Variants in LCOR observed in about 807,000 individuals in gnomAD.
LCOR encodes ligand dependent nuclear receptor corepressor.
A neutral mutation model predicts 64.4 loss-of-function variants in LCOR; 14 were observed. The observed-to-expected ratio is 0.22, with a 90% CI of 0.14 to 0.34. LCOR has a LOEUF of 0.34. Among genes scored for constraint, LCOR ranks in the 10% least tolerant of loss-of-function variants. The pLI, the probability that LCOR is intolerant of heterozygous loss-of-function variation, is 1.00. For synonymous variants in LCOR, 643 were observed against 642.5 expected, an observed-to-expected ratio of 1.00 and a Z score of -0.01; for missense variants, 1,686 against 1,765.3, an observed-to-expected ratio of 0.96 and a Z score of 0.80.
intron 4 of LCOR, among the ~76,000 whole-genome samples, chr10:96,914,299 C>T (rs544206803): frequency 1.3e-5 from 2 of 152,250 alleles, no homozygotes; most frequent in African/African-American, 4.8e-5. Context: ...CAGATTCAAG[C>T]GATTCTCCTG....
At chr10:96,927,616 C>T (rs985562348) in intron 4 of LCOR, among the ~76,000 whole-genome samples, 1 of 151,970 alleles carries the variant, frequency 6.6e-6, no homozygotes, top group Non-Finnish European at 1.5e-5. Context: ...GATCTCTGAT[C>T]CATTTCTATT....
At chr10:96,893,777 AAG>A (rs1347577518) in intron 2 of LCOR, among the ~76,000 whole-genome samples, 14 of 151,902 alleles carry the variant, frequency 9.2e-5, no homozygotes, top group African/African-American at 3.4e-4. Context: ...AAAAAAAAAA[AAG>A]AAATTGTCCA....
In LCOR at chr10:96,930,715, G is replaced by A. The variant is rs558376728; in HGVS notation, c.-183-13398G>A. On this transcript the variant is annotated intron_variant, in intron 4 of 7. Transcript: ENST00000421806. ...GTTGCCAATGTGATAGTATTAAGAG[G>A]TGGGGCCTTTTAAGAGGTGATTAGG... Among the ~76,000 whole-genome samples the A allele has an allele frequency of 3.7e-4, 57 of 152,300 alleles. 1 individual carries two copies. The highest frequency in any genetic ancestry group is 1.2e-3 in the African/African-American group (50 of 41,550).
At chr10:96,932,147 T>C (rs746379933) in intron 4 of LCOR, among the ~76,000 whole-genome samples, 1 of 152,178 alleles carries the variant, frequency 6.6e-6, no homozygotes, top group African/African-American at 2.4e-5. Flanking sequence ...TCCTAAATGC[T>C]AAGACTTATG....
intron 2 of LCOR, among the ~76,000 whole-genome samples, chr10:96,874,857 CA>C (rs1846137347): frequency 6.6e-6 from 1 of 151,934 alleles, no homozygotes; most frequent in South Asian, 2.1e-4. Flanking sequence ...AGGATGCTCT[CA>C]ATCTCCTGAC....
intron 4 of LCOR, among the ~76,000 whole-genome samples, chr10:96,909,542 T>G (rs1372435196): frequency 6.6e-6 from 1 of 152,256 alleles, no homozygotes; most frequent in Non-Finnish European, 1.5e-5. Context: ...CATTGTCAAC[T>G]GCTAAAAACT....
intron 7 of LCOR, among the ~76,000 whole-genome samples, chr10:96,979,871 C>T (rs757935010): frequency 3.3e-5 from 5 of 152,214 alleles, no homozygotes; most frequent in Admixed American, 1.3e-4. Flanking sequence ...CAGCCGAGTG[C>T]GGCGGCTCAC....
chr10:96,941,241 A>T (rs1264355388), intron 4 of LCOR, among the ~76,000 whole-genome samples: 1 of 65,624 alleles, frequency 1.5e-5, no homozygotes. Context: ...CGGGGGGCTG[A>T]CCCCCCCACC....
intron 2 of LCOR, among the ~76,000 whole-genome samples, chr10:96,904,457 G>T (rs1466718748): frequency 6.6e-6 from 1 of 152,128 alleles, no homozygotes; most frequent in Non-Finnish European, 1.5e-5. Flanking sequence ...TCTTTAACCA[G>T]TGTGAACTTT....
chr10:96,963,069 G>T (rs1032761739), intron 7 of LCOR: 1 of 152,296 alleles, frequency 6.6e-6, no homozygotes, highest in Admixed American at 6.5e-5. Flanking sequence ...ACTCAGTTCA[G>T]GTATCCAGGT....
intron 4 of LCOR, among the ~76,000 whole-genome samples, chr10:96,942,501 A>G (rs1190348239): frequency 6.6e-6 from 1 of 152,034 alleles, no homozygotes; most frequent in Non-Finnish European, 1.5e-5. Context: ...TAAGACTTAA[A>G]ATATTTCAGT....
chr10:96,837,435 T>A (rs965653767), intron 2 of LCOR, among the ~76,000 whole-genome samples: 1 of 152,066 alleles, frequency 6.6e-6, no homozygotes, highest in Non-Finnish European at 1.5e-5. Flanking sequence ...TTTTTGTATT[T>A]TTAGTAGAGA....
intron 7 of LCOR, among the ~76,000 whole-genome samples, chr10:96,979,446 T>G (rs1285929202): frequency 6.6e-6 from 1 of 152,252 alleles, no homozygotes; most frequent in Non-Finnish European, 1.5e-5. Flanking sequence ...GCCTGTGGCA[T>G]GTCTTGAGTC....
At chr10:96,916,461 A>G (rs993173669) in intron 4 of LCOR, among the ~76,000 whole-genome samples, 3 of 151,956 alleles carry the variant, frequency 2.0e-5, no homozygotes, top group African/African-American at 7.3e-5. Context: ...CTTGCCTGTC[A>G]TCTTACACCA....
chr10:96,900,608 T>C (rs1564619790), intron 2 of LCOR, among the ~76,000 whole-genome samples: 1 of 151,958 alleles, frequency 6.6e-6, no homozygotes, highest in Non-Finnish European at 1.5e-5. Context: ...TGACAACATA[T>C]TAGAGATCAA....
chr10:96,862,414 C>T (rs12263331), intron 2 of LCOR, among the ~76,000 whole-genome samples: 20,990 of 152,100 alleles, frequency 0.14, 1,970 homozygotes, highest in African/African-American at 0.26. Flanking sequence ...TATAGGTATG[C>T]ACCACCATCC....
intron 4 of LCOR, among the ~76,000 whole-genome samples, chr10:96,920,424 A>ATATATGTG (rs1564625957): frequency 1.1e-4 from 1 of 8,962 alleles, no homozygotes; most frequent in Admixed American, 2.6e-3. Context: ...ATATATATTC[A>ATATATGTG]TATATATGTG....
chr10:96,843,301 T>C (rs903683888), intron 2 of LCOR, among the ~76,000 whole-genome samples: 2 of 152,160 alleles, frequency 1.3e-5, no homozygotes, highest in Non-Finnish European at 2.9e-5. Flanking sequence ...GTTTTTGTTT[T>C]GTTTTGTTTT....
intron 5 of LCOR, among the ~76,000 whole-genome samples, chr10:96,946,083 A>G (rs1236488377): frequency 1.3e-5 from 2 of 152,040 alleles, no homozygotes; most frequent in Non-Finnish European, 2.9e-5. Context: ...TGCTCAGAGA[A>G]AGAACTGTTC....
Sources: allele counts gnomAD v4.1 joint callset (sites outside exome capture counted in the v4.1 genomes callset), GRCh38; gene constraint gnomAD v4.1.1; transcripts MANE v1.5; gene names NCBI Gene and HGNC (gene_info 2026-07-23, HGNC 2026-07-21).